Variants in GRID1 observed in about 807,000 individuals in gnomAD.
The protein encoded by GRID1 is glutamate receptor ionotropic, delta-1.
GRID1 carries 28 observed loss-of-function variants against 98.0 expected under a neutral mutation model. The observed-to-expected ratio is 0.29, with a 90% CI of 0.21 to 0.39. The LOEUF is 0.39. Ranked by LOEUF, GRID1 falls within the 10% of genes least tolerant of loss-of-function variation. The probability of loss-of-function intolerance (pLI) is 1.00; values close to 1 mark genes in which losing one functional copy is unlikely to be tolerated. For synonymous variants in GRID1, 553 were observed against 538.5 expected, an observed-to-expected ratio of 1.03 and a Z score of -0.37; for missense variants, 1,111 against 1,340.5, an observed-to-expected ratio of 0.83 and a Z score of 2.67.
At chr10:86,091,790 C>G (rs1310698443) in intron 4 of GRID1, among the ~76,000 whole-genome samples, 1 of 152,194 alleles carries the variant, frequency 6.6e-6, no homozygotes, top group African/African-American at 2.4e-5. Context: ...GAGAAACCCA[C>G]AGACAGTTCA....
At position 85,888,783 on chromosome 10, in the gene GRID1, CCT is replaced by C. The variant is rs376710845; in HGVS notation, c.781-19605_781-19604del. ...TTTCCTTTGTCTCTCACTCTTCCTC[CCT>C]CTCTCTTTTTCTTTTCCCTCTTTTT... On this transcript the variant is annotated intron_variant, in intron 5 of 15. Transcript: ENST00000327946. 1.5e-4 allele frequency among the ~76,000 whole-genome samples: 23 copies of C among 152,140 alleles called. No homozygotes were observed. The East Asian group carries it at 1.9e-3, about 13-fold the overall frequency.
chr10:85,879,149 T>C (rs1269030692), intron 5 of GRID1, among the ~76,000 whole-genome samples: 2 of 152,156 alleles, frequency 1.3e-5, no homozygotes, highest in South Asian at 2.1e-4. Flanking sequence ...CAAAGAGGCT[T>C]AGACTCCCAC....
intron 2 of GRID1, among the ~76,000 whole-genome samples, chr10:86,272,653 G>A (rs1448821194): frequency 6.6e-6 from 1 of 152,146 alleles, no homozygotes; most frequent in Non-Finnish European, 1.5e-5. Context: ...TCACAACATT[G>A]CAAAGCAAAC....
intron 8 of GRID1, among the ~76,000 whole-genome samples, chr10:85,833,268 G>A (rs981694954): frequency 1.9e-4 from 29 of 152,100 alleles, no homozygotes; most frequent in African/African-American, 7.0e-4. Context: ...TGCCCTGCCT[G>A]GGAAGTGTTC....
intron 2 of GRID1, among the ~76,000 whole-genome samples, chr10:86,212,242 C>T (rs1467783058): frequency 1.3e-5 from 2 of 152,232 alleles, no homozygotes; most frequent in East Asian, 3.9e-4. Flanking sequence ...TTCCCTCTGT[C>T]AGGTGCCCTG....
chr10:86,025,795 T>C (rs1843108693), intron 4 of GRID1, among the ~76,000 whole-genome samples: 1 of 152,316 alleles, frequency 6.6e-6, no homozygotes, highest in Middle Eastern at 3.4e-3. Flanking sequence ...TCCCTGTGAA[T>C]AGATAATCAA....
At chr10:86,237,392 C>T (rs577274467) in intron 2 of GRID1, among the ~76,000 whole-genome samples, 8 of 152,234 alleles carry the variant, frequency 5.3e-5, no homozygotes, top group Admixed American at 6.5e-5. Flanking sequence ...TTCGGAAGAT[C>T]GGGTTGTTTA....
At chr10:86,115,864 C>T (rs1168703929) in intron 4 of GRID1, among the ~76,000 whole-genome samples, 2 of 152,226 alleles carry the variant, frequency 1.3e-5, no homozygotes, top group African/African-American at 4.8e-5. Context: ...GCATCTAAGA[C>T]AGTGGTCCCA....
intron 2 of GRID1, among the ~76,000 whole-genome samples, chr10:86,240,717 C>A (rs752573480): frequency 6.6e-6 from 1 of 152,182 alleles, no homozygotes; most frequent in Non-Finnish European, 1.5e-5. Flanking sequence ...AGCAGCTGCA[C>A]GCAGTGGAGC....
rs746737416 is a variant in GRID1, at chr10:85,727,892, G to T, written c.1496C>A (p.Thr499Asn). ...CTCCCCGATCATCCCGTTCCAGGAG[G>T]TGTTATGGAGCTGGTGACCGTACCT... ...DGRYGHQLHN[T>N]SWNGMIGELI... Residue 499 changes from threonine (T) to asparagine (N), a missense_variant, in exon 10 of 16, where the codon ACC becomes AAC. Around this residue, in one of 3 missense-constraint regions of GRID1, gnomAD observed 762 missense variants for 869.1 expected, o/e 0.88. Transcript: ENST00000327946. 2.5e-5 allele frequency: 40 copies of T among 1,613,798 alleles called. No individual in the cohort carries two copies. Among genetic ancestry groups the T allele is most frequent in the Non-Finnish European group, 3.2e-5 (38 of 1,179,918 alleles).
intron 4 of GRID1, among the ~76,000 whole-genome samples, chr10:85,963,611 A>G (rs1289661446): frequency 1.3e-5 from 2 of 152,062 alleles, no homozygotes; most frequent in Non-Finnish European, 2.9e-5. Context: ...CAGCTTCCCA[A>G]ATCCGTGGGG....
chr10:85,672,522 G>A (rs796986963), intron 12 of GRID1, among the ~76,000 whole-genome samples: 3 of 152,252 alleles, frequency 2.0e-5, no homozygotes, highest in African/African-American at 7.2e-5. Flanking sequence ...TGGTCAGGAT[G>A]GTCTTGATCT....
Position 85,647,101 on chromosome 10 carries a change from C to A in GRID1, c.2193+101G>T. The A allele has an allele frequency of 5.7e-6, 5 of 883,142 alleles. 1 individual carries two copies. In the South Asian group the frequency reaches 7.4e-5, roughly 13 times the overall value. The allele number at this position is 883,142 out of a possible 1,614,324, so 54.7% of individuals were successfully genotyped here. A position where few individuals can be genotyped will look rare whatever the true frequency, so the allele number is the denominator to read the frequency against. ...ATGGATCGCCTTGCAGGTAACAGGG[C>A]TGCTCAGAGGCAGATGCCCCTGGAG... On this transcript the variant is annotated intron_variant, in intron 13 of 15. Transcript: ENST00000327946.
intron 12 of GRID1, among the ~76,000 whole-genome samples, chr10:85,685,560 C>T (rs1841259370): frequency 6.6e-6 from 1 of 152,000 alleles, no homozygotes; most frequent in Non-Finnish European, 1.5e-5. Flanking sequence ...GATCCAAAAA[C>T]ATATATGGAA....
At chr10:85,647,097 A>G (rs912651251) in intron 13 of GRID1, 105 bp downstream of exon 13, 12 of 846,098 alleles carry the variant, frequency 1.4e-5, no homozygotes, top group African/African-American at 3.3e-5. Flanking sequence ...TGCAGGTAAC[A>G]GGGCTGCTCA....
intron 13 of GRID1, among the ~76,000 whole-genome samples, chr10:85,627,459 C>T (rs1039420192): frequency 4.6e-5 from 7 of 152,014 alleles, no homozygotes; most frequent in African/African-American, 9.7e-5. Flanking sequence ...ACATTGTGAC[C>T]GCCTCTTAAA....
intron 2 of GRID1, among the ~76,000 whole-genome samples, chr10:86,355,343 A>T (rs1848520014): frequency 6.6e-6 from 1 of 152,166 alleles, no homozygotes; most frequent in Non-Finnish European, 1.5e-5. Context: ...ACAGTGGGGG[A>T]CCAGGGTGGG....
chr10:86,331,360 T>TC (rs1474872053), intron 2 of GRID1, among the ~76,000 whole-genome samples: 1 of 151,922 alleles, frequency 6.6e-6, no homozygotes. Context: ...GAGCCCCCCT[T>TC]CCCCAACTAC....
At chr10:85,797,250 T>C (rs1215670120) in intron 8 of GRID1, among the ~76,000 whole-genome samples, 1 of 152,096 alleles carries the variant, frequency 6.6e-6, no homozygotes, top group Non-Finnish European at 1.5e-5. Context: ...ATTTCAACTT[T>C]TATTTTTAGA....
Sources: allele counts gnomAD v4.1 joint callset (sites outside exome capture counted in the v4.1 genomes callset), GRCh38; gene constraint gnomAD v4.1.1; regional missense constraint gnomAD v4.1.1; transcripts MANE v1.5; gene names NCBI Gene and HGNC (gene_info 2026-07-23, HGNC 2026-07-21).